TMEM131: variants seen among roughly 807,000 people sequenced by gnomAD.
TMEM131 encodes the protein 2610524E03Rik.
Under a neutral mutation model 211.6 loss-of-function variants are expected in TMEM131, and 66 were observed. The ratio of observed to expected loss-of-function variants is 0.31; its 90% CI spans 0.26 to 0.38. The LOEUF is 0.38. Among genes scored for constraint, TMEM131 ranks in the 10% least tolerant of loss-of-function variants. TMEM131 has a pLI of 1.00. For missense variants in TMEM131, 2,036 were observed against 2,299.3 expected, an observed-to-expected ratio of 0.89 and a Z score of 2.34; for synonymous variants, 844 against 841.3, an observed-to-expected ratio of 1.00 and a Z score of -0.06.
At chr2:97,984,917 C>G (rs1209323642) in intron 1 of TMEM131, among the ~76,000 whole-genome samples, 1 of 151,990 alleles carries the variant, frequency 6.6e-6, no homozygotes, top group Non-Finnish European at 1.5e-5. Context: ...ATGGGTATCC[C>G]TGGACGAGTT....
intron 1 of TMEM131, among the ~76,000 whole-genome samples, chr2:97,982,779 G>A (rs1267169519): frequency 6.6e-6 from 1 of 152,128 alleles, no homozygotes; most frequent in South Asian, 2.1e-4. Context: ...CACACTCAGA[G>A]GAACAGAATG....
At chr2:97,795,975 G>A (rs1680741339) in intron 28 of TMEM131, among the ~76,000 whole-genome samples, 1 of 152,000 alleles carries the variant, frequency 6.6e-6, no homozygotes, top group African/African-American at 2.4e-5. Flanking sequence ...CCACTTCGGA[G>A]ATAAAGTTTT....
At position 97,964,593 on chromosome 2, in the gene TMEM131, A is replaced by G. The variant is rs187951244; in HGVS notation, c.187+30883T>C. On this transcript the variant is annotated intron_variant, in intron 1 of 40. Coordinates refer to ENST00000186436, the MANE Select transcript of TMEM131 (RefSeq NM_015348.2). ...GAAATATACGTCCTTGACTAAGTCA[A>G]TTCTACTGCAATCAAGATTTTTCCT... is the stretch of plus-strand genomic sequence containing the variant. 5.1e-4 allele frequency among the ~76,000 whole-genome samples: 77 copies of G among 152,346 alleles called. 1 individual carries two copies. Among genetic ancestry groups the G allele is most frequent in the African/African-American group, 1.8e-3 (76 of 41,568 alleles).
intron 1 of TMEM131, among the ~76,000 whole-genome samples, chr2:97,979,947 C>A (rs1421459371): frequency 6.6e-6 from 1 of 152,130 alleles, no homozygotes; most frequent in Non-Finnish European, 1.5e-5. Flanking sequence ...GTGACTCTTC[C>A]TTTCACTTGA....
chr2:97,927,218 A>G (rs1433387131), intron 2 of TMEM131, among the ~76,000 whole-genome samples: 1 of 152,228 alleles, frequency 6.6e-6, no homozygotes, highest in Non-Finnish European at 1.5e-5. Flanking sequence ...TACCACAATG[A>G]GTTTGCATTT....
chr2:97,865,983 C>T lies in TMEM131; in HGVS notation c.360-6556G>A, dbSNP rs537666275. The stretch of plus-strand genomic sequence containing the variant: ...CTGCAAGCTCCGCCTCCTGGGTTCA[C>T]GCCATTCTCCTGCCTCAGCCTCCCG... On this transcript the variant is annotated intron_variant, in intron 4 of 40. Transcript: ENST00000186436. 6.3e-3 allele frequency among the ~76,000 whole-genome samples: 953 copies of T among 152,020 alleles called. 14 individuals are homozygous for T. The highest frequency in any genetic ancestry group is 0.02 in the African/African-American group (830 of 41,432).
intron 1 of TMEM131, among the ~76,000 whole-genome samples, chr2:97,932,763 A>G (rs1428470282): frequency 1.3e-5 from 2 of 151,886 alleles, no homozygotes; most frequent in African/African-American, 4.8e-5. Flanking sequence ...CGCACTGCAA[A>G]TGCTCTAAAA....
chr2:97,881,732 GGC>G (rs1573503542), intron 4 of TMEM131, among the ~76,000 whole-genome samples: 1 of 130,704 alleles, frequency 7.7e-6, no homozygotes. Context: ...AAGGGGGGGG[GGC>G]GGGGGAGGTA....
chr2:97,868,320 A>C lies in TMEM131; in HGVS notation c.360-8893T>G, dbSNP rs557252778. On this transcript the variant is annotated intron_variant, in intron 4 of 40. Coordinates refer to ENST00000186436, the MANE Select transcript of TMEM131 (RefSeq NM_015348.2). ...TATGTCTATCTATCTATCTATCTAT[A>C]TATAAAATATTGTCTATGTCTTTAT... 1.8e-4 allele frequency among the ~76,000 whole-genome samples: 27 copies of C among 152,230 alleles called. 2 individuals are homozygous for C. Among genetic ancestry groups the C allele is most frequent in the East Asian group, 5.8e-4 (3 of 5,182 alleles).
intron 33 of TMEM131, among the ~76,000 whole-genome samples, chr2:97,771,667 G>A (rs1679471670): frequency 1.3e-5 from 2 of 152,188 alleles, no homozygotes; most frequent in Admixed American, 6.5e-5. Context: ...CTGAGCCAAG[G>A]TTTAATGAAA....
intron 3 of TMEM131, among the ~76,000 whole-genome samples, chr2:97,890,236 A>G (rs1675324173): frequency 6.6e-6 from 1 of 152,222 alleles, no homozygotes; most frequent in Non-Finnish European, 1.5e-5. Context: ...AATTCTGGCT[A>G]CTTTGTGAAG....
chr2:97,774,622 G>T (rs1393655650), intron 32 of TMEM131, among the ~76,000 whole-genome samples: 1 of 152,190 alleles, frequency 6.6e-6, no homozygotes, highest in Non-Finnish European at 1.5e-5. Flanking sequence ...TGACATCAGT[G>T]GGTGAGCACA....
intron 1 of TMEM131, among the ~76,000 whole-genome samples, chr2:97,932,799 C>T (rs1002195403): frequency 1.3e-5 from 2 of 149,010 alleles, no homozygotes; most frequent in African/African-American, 5.1e-5. Context: ...GAACTATAGC[C>T]CAAAACAGCA....
chr2:97,802,395 A>G, intron 24 of TMEM131, 33 bp downstream of exon 24: 1 of 1,465,740 alleles, frequency 6.8e-7, no homozygotes, highest in East Asian at 2.3e-5. Flanking sequence ...AATACTACAT[A>G]GAAACACTGT....
At chr2:97,835,554 G>C (rs202118248) in intron 8 of TMEM131, among the ~76,000 whole-genome samples, 10 of 152,164 alleles carry the variant, frequency 6.6e-5, no homozygotes, top group East Asian at 5.8e-4. Context: ...TCTCTTTCCT[G>C]GTTTCAGAAC....
intron 1 of TMEM131, among the ~76,000 whole-genome samples, chr2:97,941,511 A>T (rs1295574648): frequency 6.6e-6 from 1 of 152,260 alleles, no homozygotes; most frequent in African/African-American, 2.4e-5. Flanking sequence ...GCACAGCAAA[A>T]GAAACTACCA....
intron 1 of TMEM131, among the ~76,000 whole-genome samples, chr2:97,949,689 G>A (rs547866920): frequency 5.9e-5 from 9 of 151,506 alleles, no homozygotes; most frequent in African/African-American, 1.5e-4. Flanking sequence ...GCGTGGTGGC[G>A]GGCACCTGTA....
chr2:97,928,962 T>C (rs1317837856), intron 1 of TMEM131, among the ~76,000 whole-genome samples: 2 of 151,836 alleles, frequency 1.3e-5, no homozygotes, highest in African/African-American at 4.9e-5. Flanking sequence ...TAGGTTAGTA[T>C]ACATACATGT....
At chr2:97,838,910 A>C (rs1470222552) in intron 7 of TMEM131, among the ~76,000 whole-genome samples, 4 of 152,316 alleles carry the variant, frequency 2.6e-5, no homozygotes, top group Non-Finnish European at 2.9e-5. Flanking sequence ...TTGTGTTAAT[A>C]ATAATAGCAC....
Sources: allele counts gnomAD v4.1 joint callset (sites outside exome capture counted in the v4.1 genomes callset), GRCh38; gene constraint gnomAD v4.1.1; transcripts MANE v1.5; gene names NCBI Gene and HGNC (gene_info 2026-07-23, HGNC 2026-07-21).